The following DPP6 variants were observed in gnomAD, a reference collection of about 807,000 sequenced individuals.
DPP6 encodes A-type potassium channel modulatory protein DPP6.
A neutral mutation model predicts 122.6 loss-of-function variants in DPP6; 69 were observed. That is an observed-to-expected ratio of 0.56 (90% confidence interval 0.46 to 0.69). DPP6 has a LOEUF of 0.69. Among genes scored for constraint, DPP6 ranks in the 30% least tolerant of loss-of-function variants. The pLI, the probability that DPP6 is intolerant of heterozygous loss-of-function variation, is 0.00. For missense variants in DPP6, 928 were observed against 1,116.9 expected (o/e 0.83, Z 2.41); for synonymous variants, 418 against 433.1 (o/e 0.97, Z 0.43).
intron 15 of DPP6, 61 bp from the exon 16 acceptor site, chr7:154,806,932 AC>A: frequency 6.3e-7 from 1 of 1,585,916 alleles, no homozygotes. Context: ...AGCTTGCGGC[AC>A]CCAGCGTGGA....
intron 1 of DPP6, among the ~76,000 whole-genome samples, chr7:153,995,794 C>A (rs11773197): frequency 0.41 from 62,558 of 151,778 alleles, 13,710 homozygotes; most frequent in Middle Eastern, 0.51. Context: ...ATGGGAGATA[C>A]GGCATTCACT....
At chr7:154,235,898 G>T (rs1271905154) in intron 1 of DPP6, among the ~76,000 whole-genome samples, 1 of 152,060 alleles carries the variant, frequency 6.6e-6, no homozygotes, top group Non-Finnish European at 1.5e-5. Context: ...TGTTGCCCAG[G>T]CTGGAGTGCG....
chr7:153,788,951 G>A, the DPP6 span, among the ~76,000 whole-genome samples: 25 of 145,002 alleles, frequency 1.7e-4, no homozygotes, highest in African/African-American at 5.8e-4. Flanking sequence ...GGCAACATGA[G>A]CGAAAGTCTG....
At position 154,310,736 on chromosome 7, in the gene DPP6, G is replaced by A. The variant is rs190853348; in HGVS notation, c.244-135478G>A. Among the ~76,000 whole-genome samples the A allele has an allele frequency of 3.9e-5, 6 of 152,272 alleles. No individual in the cohort carries two copies. The East Asian group carries it at 7.7e-4, about 20-fold the overall frequency. On this transcript the variant is annotated intron_variant, in intron 1 of 25. Coordinates refer to ENST00000377770, the MANE Select transcript of DPP6 (RefSeq NM_130797.4). ...GAAACATCTTAGCTCCAGCGTGCAC[G>A]TGGAAAGTGTTAAGATGCTAATCAC... is the stretch of plus-strand genomic sequence containing the variant.
chr7:154,174,797 C>G (rs569943606), intron 1 of DPP6, among the ~76,000 whole-genome samples: 1 of 152,050 alleles, frequency 6.6e-6, no homozygotes, highest in East Asian at 1.9e-4. Flanking sequence ...GTCCCCTCTT[C>G]CCCTGCCTCT....
chr7:153,890,835 G>C (rs1440571988), intron 1 of DPP6, among the ~76,000 whole-genome samples: 1 of 145,118 alleles, frequency 6.9e-6, no homozygotes, highest in Non-Finnish European at 1.5e-5. Context: ...GGGACTACAG[G>C]CGTGCACCAC....
intron 1 of DPP6, among the ~76,000 whole-genome samples, chr7:154,090,303 A>G (rs1804711547): frequency 6.6e-6 from 1 of 152,214 alleles, no homozygotes; most frequent in Non-Finnish European, 1.5e-5. Flanking sequence ...TCACACAATG[A>G]GCCAACTGGC....
intron 1 of DPP6, among the ~76,000 whole-genome samples, chr7:154,076,895 A>G (rs1413834300): frequency 6.6e-6 from 1 of 151,704 alleles, no homozygotes; most frequent in Non-Finnish European, 1.5e-5. Context: ...ATAGGTCTCT[A>G]GAGAAGTTGT....
At chr7:154,077,175 G>A (rs4286864) in intron 1 of DPP6, among the ~76,000 whole-genome samples, 2 of 152,236 alleles carry the variant, frequency 1.3e-5, no homozygotes, top group East Asian at 3.9e-4. Context: ...AAATGCCTTT[G>A]CATTGTTGCA....
intron 1 of DPP6, among the ~76,000 whole-genome samples, chr7:153,987,321 A>G (rs762504336): frequency 1.3e-5 from 2 of 152,186 alleles, no homozygotes; most frequent in African/African-American, 4.8e-5. Flanking sequence ...CTTCAATGCA[A>G]TTTGCTTACG....
intron 1 of DPP6, among the ~76,000 whole-genome samples, chr7:154,187,895 A>T (rs1040374575): frequency 6.6e-6 from 1 of 152,198 alleles, no homozygotes; most frequent in African/African-American, 2.4e-5. Context: ...TCAGAGACAC[A>T]ATGGATGAGG....
intron 1 of DPP6, among the ~76,000 whole-genome samples, chr7:154,395,529 GT>G (rs1815003801): frequency 6.6e-6 from 1 of 152,114 alleles, no homozygotes; most frequent in Non-Finnish European, 1.5e-5. Flanking sequence ...AAATGGAGTT[GT>G]TTTTATCATT....
At chr7:154,396,001 G>C (rs546388273) in intron 1 of DPP6, among the ~76,000 whole-genome samples, 267 of 148,806 alleles carry the variant, frequency 1.8e-3, no homozygotes, top group African/African-American at 6.4e-3. Flanking sequence ...TGCTTTTTCT[G>C]CATCAATTGA....
At chr7:154,455,246 G>C (rs951061059) in intron 2 of DPP6, among the ~76,000 whole-genome samples, 1 of 152,180 alleles carries the variant, frequency 6.6e-6, no homozygotes, top group African/African-American at 2.4e-5. Flanking sequence ...CGAGGAGACA[G>C]CTTATTTGCT....
At chr7:154,047,125 C>T (rs1230130966) in intron 1 of DPP6, among the ~76,000 whole-genome samples, 1 of 151,570 alleles carries the variant, frequency 6.6e-6, no homozygotes, top group African/African-American at 2.4e-5. Flanking sequence ...CCCCAGAAGA[C>T]AGTGTAAGCC....
chr7:153,966,097 G>C (rs1795698783), intron 1 of DPP6, among the ~76,000 whole-genome samples: 1 of 116,144 alleles, frequency 8.6e-6, no homozygotes, highest in Non-Finnish European at 1.8e-5. Context: ...GGATGTGGAA[G>C]ATGAAGGAGA....
intron 1 of DPP6, among the ~76,000 whole-genome samples, chr7:154,102,497 T>C (rs1805819437): frequency 6.6e-6 from 1 of 152,162 alleles, no homozygotes; most frequent in Non-Finnish European, 1.5e-5. Context: ...CCAAGCCCCT[T>C]TTTAGTTTCT....
At chr7:153,944,578 A>C (rs986476687) in intron 1 of DPP6, among the ~76,000 whole-genome samples, 1 of 141,348 alleles carries the variant, frequency 7.1e-6, no homozygotes, top group Non-Finnish European at 1.5e-5. Context: ...CACAAGGAGG[A>C]GGCGGGTGTG....
chr7:154,222,284 C>T (rs567519644), intron 1 of DPP6, among the ~76,000 whole-genome samples: 1 of 152,312 alleles, frequency 6.6e-6, no homozygotes, highest in South Asian at 2.1e-4. Context: ...AACTCCACAG[C>T]CACACACAGC....
Sources: gnomAD v4.1 joint callset for allele counts (sites outside exome capture counted in the v4.1 genomes callset) on GRCh38, gnomAD v4.1.1 for gene constraint, MANE v1.5 for transcripts, NCBI Gene and HGNC (gene_info 2026-07-23, HGNC 2026-07-21) for gene names.